Variants in FBXO4 observed in about 807,000 individuals in gnomAD.
FBXO4 encodes F-box only protein 4.
FBXO4 carries 36 observed loss-of-function variants against 43.7 expected under a neutral mutation model. That is an observed-to-expected ratio of 0.82 (90% CI 0.63 to 1.09). The LOEUF is 1.09. Ranked by LOEUF, FBXO4 falls within the 50% of genes least tolerant of loss-of-function variation. The pLI is 0.00. For synonymous variants in FBXO4, 180 were observed against 165.6 expected, an observed-to-expected ratio of 1.09 and a Z score of -0.67; for missense variants, 435 against 474.1, an observed-to-expected ratio of 0.92 and a Z score of 0.77.
the FBXO4 span, among the ~76,000 whole-genome samples, chr5:41,959,860 T>C: frequency 6.6e-6 from 1 of 152,142 alleles, no homozygotes. Flanking sequence ...TGTGGTTTCA[T>C]ATAAATTTTA....
the FBXO4 span, among the ~76,000 whole-genome samples, chr5:41,980,238 A>G: frequency 6.6e-6 from 1 of 152,220 alleles, no homozygotes; most frequent in Non-Finnish European, 1.5e-5. Context: ...GAGAACTAAA[A>G]TACTAAGAGA....
the FBXO4 span, among the ~76,000 whole-genome samples, chr5:41,950,914 G>A: frequency 6.6e-6 from 1 of 152,132 alleles, no homozygotes; most frequent in Non-Finnish European, 1.5e-5. Flanking sequence ...CCTTTGCAGG[G>A]GCATGGATGA....
chr5:42,010,409 G>A, the FBXO4 span, among the ~76,000 whole-genome samples: 7 of 151,982 alleles, frequency 4.6e-5, no homozygotes, highest in Admixed American at 2.0e-4. Context: ...TTGGGAGGCT[G>A]AGGCAGGAGA....
At chr5:41,966,077 C>T in the FBXO4 span, among the ~76,000 whole-genome samples, 65 of 152,152 alleles carry the variant, frequency 4.3e-4, no homozygotes, top group African/African-American at 1.5e-3. Flanking sequence ...TATTCTCGCT[C>T]ATAGGTGGGA....
At chr5:42,019,523 T>C in the FBXO4 span, among the ~76,000 whole-genome samples, 2 of 152,006 alleles carry the variant, frequency 1.3e-5, no homozygotes, top group Non-Finnish European at 2.9e-5. Context: ...ACCCCATCTC[T>C]ACTAAAAATA....
chr5:41,940,051 A>AT (rs1751965146), intron 6 of FBXO4, among the ~76,000 whole-genome samples: 1 of 151,122 alleles, frequency 6.6e-6, no homozygotes, highest in Non-Finnish European at 1.5e-5. Context: ...GGGTTTCTCC[A>AT]TGTTGCCCAG....
chr5:41,927,658 C>T (rs1473199722), intron 2 of FBXO4, among the ~76,000 whole-genome samples: 1 of 152,100 alleles, frequency 6.6e-6, no homozygotes, highest in Non-Finnish European at 1.5e-5. Context: ...ATATTAGCAC[C>T]GAAAAGCACT....
the FBXO4 span, among the ~76,000 whole-genome samples, chr5:41,995,301 G>T: frequency 6.6e-6 from 1 of 152,204 alleles, no homozygotes; most frequent in Non-Finnish European, 1.5e-5. Context: ...CCCATCCCTG[G>T]AGTAAGTGTT....
the FBXO4 span, among the ~76,000 whole-genome samples, chr5:42,005,983 C>T: frequency 6.6e-6 from 1 of 152,226 alleles, no homozygotes; most frequent in African/African-American, 2.4e-5. Context: ...CCTCTCTTCC[C>T]CTCTTTCCAT....
At chr5:41,959,873 AT>A in the FBXO4 span, among the ~76,000 whole-genome samples, 1 of 151,328 alleles carries the variant, frequency 6.6e-6, no homozygotes, top group East Asian at 1.9e-4. Flanking sequence ...AAATTTTAGG[AT>A]TTTTTTTCTA....
the FBXO4 span, among the ~76,000 whole-genome samples, chr5:42,000,441 C>T: frequency 1.3e-5 from 2 of 152,118 alleles, no homozygotes; most frequent in African/African-American, 4.8e-5. Context: ...CATTGTGTTA[C>T]TTGTTTTTGA....
chr5:41,982,039 G>A, the FBXO4 span, among the ~76,000 whole-genome samples: 3 of 151,942 alleles, frequency 2.0e-5, no homozygotes, highest in Non-Finnish European at 4.4e-5. Context: ...TGAGAATGAT[G>A]GTTTCCAGCT....
At chr5:41,958,770 A>T in the FBXO4 span, among the ~76,000 whole-genome samples, 1 of 152,176 alleles carries the variant, frequency 6.6e-6, no homozygotes, top group Non-Finnish European at 1.5e-5. Flanking sequence ...TTGTATATAC[A>T]CATAGAATTT....
At chr5:41,992,484 A>G in the FBXO4 span, among the ~76,000 whole-genome samples, 1,796 of 152,312 alleles carry the variant, frequency 0.012, 39 homozygotes, top group African/African-American at 0.041. Flanking sequence ...AGCACAGAAG[A>G]AGAAGAGTGG....
At chr5:42,003,269 A>T in the FBXO4 span, among the ~76,000 whole-genome samples, 2 of 152,204 alleles carry the variant, frequency 1.3e-5, no homozygotes, top group Admixed American at 6.5e-5. Context: ...TTATCTTGGG[A>T]TCACCTCTTG....
chr5:41,940,266 TTTTA>T (rs1751971781), intron 6 of FBXO4, among the ~76,000 whole-genome samples: 1 of 152,054 alleles, frequency 6.6e-6, no homozygotes, highest in African/African-American at 2.4e-5. Flanking sequence ...CTAAAATATA[TTTTA>T]TTTATTTTTT....
chr5:41,978,118 G>C, the FBXO4 span, among the ~76,000 whole-genome samples: 1 of 152,190 alleles, frequency 6.6e-6, no homozygotes, highest in Admixed American at 6.5e-5. Context: ...TGGGAAGCCA[G>C]CATGTCACAT....
chr5:42,032,161 T>C, the FBXO4 span, among the ~76,000 whole-genome samples: 4 of 151,934 alleles, frequency 2.6e-5, no homozygotes, highest in African/African-American at 9.7e-5. Context: ...ACTACCACTG[T>C]GTCTGTGCTG....
the FBXO4 span, among the ~76,000 whole-genome samples, chr5:42,013,475 A>C: frequency 9.5e-4 from 144 of 152,292 alleles, no homozygotes; most frequent in Middle Eastern, 3.4e-3. Flanking sequence ...AACCATTCCC[A>C]AACCACTCAG....
Sources: allele counts gnomAD v4.1 joint callset (sites outside exome capture counted in the v4.1 genomes callset), GRCh38; gene constraint gnomAD v4.1.1; transcripts MANE v1.5; gene names NCBI Gene and HGNC (gene_info 2026-07-23, HGNC 2026-07-21).